TENM2: variants seen among roughly 807,000 people sequenced by gnomAD.
The protein encoded by TENM2 is teneurin-2.
A neutral mutation model predicts 245.2 loss-of-function variants in TENM2; 52 were observed. That is an observed-to-expected ratio of 0.21 (90% CI 0.17 to 0.27). The LOEUF is 0.27. TENM2 is among the 10% of genes least tolerant of loss of function. The pLI is 1.00. For missense variants in TENM2, 3,046 were observed against 3,666.8 expected, an observed-to-expected ratio of 0.83 and a Z score of 4.37; for synonymous variants, 1,363 against 1,438.9, an observed-to-expected ratio of 0.95 and a Z score of 1.19.
At chr5:167,480,223 T>C (rs557286488) in intron 2 of TENM2, among the ~76,000 whole-genome samples, 2 of 152,302 alleles carry the variant, frequency 1.3e-5, no homozygotes, top group South Asian at 4.1e-4. Context: ...CCCTCTTAAC[T>C]GACTGCTTAC....
intron 13 of TENM2, among the ~76,000 whole-genome samples, chr5:168,171,506 A>G (rs1239468418): frequency 2.0e-5 from 3 of 152,228 alleles, no homozygotes; most frequent in African/African-American, 7.2e-5. Context: ...AGAAAAAAAC[A>G]CCTCAAAGAC....
At chr5:167,204,698 C>G in the TENM2 span, among the ~76,000 whole-genome samples, 1 of 151,966 alleles carries the variant, frequency 6.6e-6, no homozygotes, top group African/African-American at 2.4e-5. Context: ...AACAGTCACT[C>G]AGGGAGAACT....
At chr5:167,476,732 G>A (rs951396591) in intron 2 of TENM2, among the ~76,000 whole-genome samples, 24 of 152,096 alleles carry the variant, frequency 1.6e-4, no homozygotes, top group African/African-American at 2.4e-5. Flanking sequence ...CCAAGTAGCT[G>A]GGATTACAGG....
chr5:167,182,553 A>G, the TENM2 span, among the ~76,000 whole-genome samples: 4 of 152,060 alleles, frequency 2.6e-5, no homozygotes, highest in Non-Finnish European at 5.9e-5. Flanking sequence ...TATGTTCTTT[A>G]TTGTTTTTAC....
At chr5:167,144,851 T>C in the TENM2 span, among the ~76,000 whole-genome samples, 39 of 152,342 alleles carry the variant, frequency 2.6e-4, no homozygotes, top group East Asian at 7.3e-3. Flanking sequence ...CACAAATGTA[T>C]TCCTCTTATA....
At chr5:167,467,214 G>C (rs1004845695) in intron 2 of TENM2, among the ~76,000 whole-genome samples, 1 of 152,100 alleles carries the variant, frequency 6.6e-6, no homozygotes, top group Non-Finnish European at 1.5e-5. Context: ...TAGTGAGTGA[G>C]TTCTCACAAG....
intron 2 of TENM2, among the ~76,000 whole-genome samples, chr5:167,667,460 C>G (rs893706091): frequency 6.6e-6 from 1 of 152,042 alleles, no homozygotes; most frequent in African/African-American, 2.4e-5. Flanking sequence ...TAGACAAAGC[C>G]GAGTCATCAG....
intron 5 of TENM2, among the ~76,000 whole-genome samples, chr5:168,027,091 G>A (rs1294362400): frequency 1.3e-5 from 2 of 149,502 alleles, no homozygotes; most frequent in African/African-American, 4.9e-5. Flanking sequence ...CACCTGTCAG[G>A]AAATAAGCTA....
At chr5:167,423,765 A>G (rs537409018) in intron 2 of TENM2, among the ~76,000 whole-genome samples, 12 of 152,310 alleles carry the variant, frequency 7.9e-5, no homozygotes, top group Middle Eastern at 3.4e-3. Context: ...CAATTCTGGA[A>G]TCATTTTCAT....
intron 3 of TENM2, among the ~76,000 whole-genome samples, chr5:167,913,846 CTATTGCCTCTGTCTTCT>C (rs1776728360): frequency 6.6e-6 from 1 of 152,210 alleles, no homozygotes; most frequent in Admixed American, 6.5e-5. Flanking sequence ...TATTTAATTT[CTATTGCCTCTGTCTTCT>C]TATCAGTAAA....
At chr5:167,457,642 G>A (rs1031379958) in intron 2 of TENM2, among the ~76,000 whole-genome samples, 3 of 152,098 alleles carry the variant, frequency 2.0e-5, no homozygotes, top group East Asian at 1.9e-4. Flanking sequence ...TACCACGCCC[G>A]ACCAGCCTTC....
chr5:167,335,478 G>A (rs571529592), intron 1 of TENM2, among the ~76,000 whole-genome samples: 2 of 152,176 alleles, frequency 1.3e-5, no homozygotes, highest in Non-Finnish European at 2.9e-5. Flanking sequence ...GGCTTTTTAG[G>A]ATACCTGTTT....
chr5:167,724,797 G>GTA (rs978408097), intron 2 of TENM2, among the ~76,000 whole-genome samples: 1 of 152,156 alleles, frequency 6.6e-6, no homozygotes, highest in African/African-American at 2.4e-5. Context: ...GAGACGGACA[G>GTA]TAGCTTGATG....
intron 10 of TENM2, among the ~76,000 whole-genome samples, chr5:168,124,154 A>G (rs1364519864): frequency 6.6e-6 from 1 of 152,234 alleles, no homozygotes; most frequent in Non-Finnish European, 1.5e-5. Flanking sequence ...TGCCTCAGCC[A>G]GAGATAGCCA....
At chr5:168,231,649 C>CAACA (rs1178247142) in intron 25 of TENM2, among the ~76,000 whole-genome samples, 1 of 150,966 alleles carries the variant, frequency 6.6e-6, no homozygotes, top group Non-Finnish European at 1.5e-5. Context: ...CTTGTTTTCC[C>CAACA]AACACTTTGG....
chr5:167,605,476 C>T (rs922996447), intron 2 of TENM2, among the ~76,000 whole-genome samples: 3 of 152,174 alleles, frequency 2.0e-5, no homozygotes, highest in African/African-American at 7.2e-5. Context: ...TCCCAAAGTT[C>T]TCTGTTTAAA....
intron 3 of TENM2, among the ~76,000 whole-genome samples, chr5:167,896,341 G>A (rs1775218952): frequency 1.3e-5 from 2 of 152,226 alleles, no homozygotes; most frequent in South Asian, 4.1e-4. Context: ...GATGTGTCCA[G>A]ATTTAGGTTA....
chr5:167,993,231 G>A lies in TENM2; in HGVS notation c.1186+49G>A, dbSNP rs138235322. The A allele has an allele frequency of 3.8e-3, 5,591 of 1,480,846 alleles. 21 individuals are homozygous for A. The highest frequency in any genetic ancestry group is 4.3e-3 in the Non-Finnish European group (4,564 of 1,065,418). 91.7% of individuals were successfully genotyped at this position (1,480,846 alleles called of 1,614,324 possible). A position where few individuals can be genotyped will look rare whatever the true frequency, so the allele number is the denominator to read the frequency against. On this transcript the variant is annotated intron_variant, in intron 5 of 28. Coordinates refer to ENST00000518659, the Ensembl canonical transcript of TENM2. ...GCAACGCTGGGGATGACAACATGAGGGGAGAGGCCATGGACTTGTGAATCT... is the reference window on the plus strand; with the variant it reads ...GCAACGCTGGGGATGACAACATGAGAGGAGAGGCCATGGACTTGTGAATCT...
At chr5:167,196,533 T>G in the TENM2 span, among the ~76,000 whole-genome samples, 1 of 142,638 alleles carries the variant, frequency 7.0e-6, no homozygotes, top group Admixed American at 6.8e-5. Context: ...TATATGTGTG[T>G]GTACATATAT....
Sources: allele counts gnomAD v4.1 joint callset (sites outside exome capture counted in the v4.1 genomes callset), GRCh38; gene constraint gnomAD v4.1.1; transcripts MANE v1.5; gene names NCBI Gene and HGNC (gene_info 2026-07-23, HGNC 2026-07-21).